The following B4GALNT1 variants were observed in gnomAD, a reference collection of about 807,000 sequenced individuals.
The protein encoded by B4GALNT1 is beta-1,4 N-acetylgalactosaminyltransferase 1.
Under a neutral mutation model 55.2 loss-of-function variants are expected in B4GALNT1, and 43 were observed. The observed-to-expected ratio is 0.78, with a 90% confidence interval of 0.61 to 1.00. The LOEUF (loss-of-function observed/expected upper bound fraction) is 1.00, where lower values mean the gene tolerates loss of function less well. B4GALNT1 is among the 50% of genes least tolerant of loss of function. The pLI is 0.00. For synonymous variants in B4GALNT1, 305 were observed against 311.6 expected, an observed-to-expected ratio of 0.98 and a Z score of 0.22; for missense variants, 664 against 729.7, an observed-to-expected ratio of 0.91 and a Z score of 1.04.
rs1404869854 is a variant in B4GALNT1 at position 57,624,958 on chromosome 12, C to T, written c.*1786G>A. On this transcript the variant is annotated 3_prime_UTR_variant, in exon 11 of 11. Coordinates refer to ENST00000341156, the MANE Select transcript of B4GALNT1 (RefSeq NM_001478.5). ...AGTTTCGCTGCAACCTGGAGTGGCA[C>T]CTGGGGCTCGGAGAAGGAGAAAAGG... The T allele has an allele frequency of 6.2e-7, 1 of 1,613,998 alleles. No homozygotes were observed. The highest frequency in any genetic ancestry group is 2.2e-5 in the East Asian group (1 of 44,890).
chr12:57,627,967 G>C (rs1343578108), intron 9 of B4GALNT1, 109 bp from the exon 10 acceptor site: 1 of 1,465,816 alleles, frequency 6.8e-7, no homozygotes, highest in Non-Finnish European at 9.0e-7. Context: ...ATCCTCTTCC[G>C]CTTCACCCCT....
At position 57,625,737 on chromosome 12, in the gene B4GALNT1, G is replaced by A. The variant is rs1174300092; in HGVS notation, c.*1007C>T. On this transcript the variant is annotated 3_prime_UTR_variant, in exon 11 of 11. Coordinates refer to ENST00000341156, the MANE Select transcript of B4GALNT1 (RefSeq NM_001478.5). ...CGGGAGCCAGGAGGCACTGGGCTGC[G>A]GCAAGTGAGGCAGGGGTAAGTGGCT... 7.2e-6 allele frequency: 11 copies of A among 1,525,842 alleles called. No individual in the cohort carries two copies. Among genetic ancestry groups the A allele is most frequent in the South Asian group, 6.6e-5 (5 of 75,860 alleles). 94.5% of individuals were successfully genotyped at this position (1,525,842 alleles called of 1,614,324 possible).
chr12:57,627,345 A>C (rs1461310843), intron 10 of B4GALNT1, among the ~76,000 whole-genome samples: 1 of 152,032 alleles, frequency 6.6e-6, no homozygotes, highest in Admixed American at 6.5e-5. Context: ...ATACACATGT[A>C]ACAAACCTGC....
Position 57,630,136 on chromosome 12 carries a change from C to T in B4GALNT1, c.712+16G>A, listed in dbSNP as rs1281827230. The T allele has an allele frequency of 5.0e-6, 8 of 1,614,262 alleles. No homozygotes were observed. Among genetic ancestry groups the T allele is most frequent in the South Asian group, 2.2e-5 (2 of 91,090 alleles). On this transcript the variant is annotated intron_variant, in intron 6 of 10. Coordinates refer to ENST00000341156, the MANE Select transcript of B4GALNT1 (RefSeq NM_001478.5). The stretch of plus-strand genomic sequence containing the variant: ...TGTTTGCCCAGCCTGCCCGTCTCTC[C>T]ACCCAGGCCTTGCACCTGTGTCTGC...
chr12:57,631,430 C>T, intron 2 of B4GALNT1, 66 bp from the exon 3 acceptor site: 3 of 1,562,364 alleles, frequency 1.9e-6, no homozygotes, highest in Non-Finnish European at 2.6e-6. Flanking sequence ...CCCATAAACA[C>T]TGACACAGCA....
chr12:57,630,618 A>G, intron 4 of B4GALNT1, 100 bp from the exon 5 acceptor site: 1 of 1,365,602 alleles, frequency 7.3e-7, no homozygotes, highest in Middle Eastern at 1.9e-4. Context: ...AGAACTTTCC[A>G]CCTATTCTTC....
rs919097197 is a variant in B4GALNT1 at position 57,631,327 on chromosome 12, C to G, written c.256G>C (p.Gly86Arg). The G allele has an allele frequency of 1.9e-6, 3 of 1,613,966 alleles. No homozygotes were observed. Among genetic ancestry groups the G allele is most frequent in the African/African-American group, 1.3e-5 (1 of 74,892 alleles). ...TGGAAGGGGAGGGGGAGGCCCCCCC[C>G]ACTGGACTCACAACTGCAGTTGTTC... ...AWNNCSCESS[G>R]GGLPLPFQKQ... is the part of the protein sequence containing the mutation. Residue 86 changes from glycine to arginine, a missense_variant, in exon 3 of 11, where the codon GGG (glycine) becomes CGG (arginine). Coordinates refer to ENST00000341156, the MANE Select transcript of B4GALNT1 (RefSeq NM_001478.5).
rs201447730 is a variant in B4GALNT1 at position 57,625,660 on chromosome 12, A to T, written c.*1084T>A. The T allele has an allele frequency of 6.3e-7, 1 of 1,589,636 alleles. No homozygotes were observed. The highest frequency in any genetic ancestry group is 1.2e-5 in the South Asian group (1 of 86,248). On this transcript the variant is annotated 3_prime_UTR_variant, in exon 11 of 11. Transcript: ENST00000341156. The stretch of plus-strand genomic sequence containing the variant: ...GATCAGCTGTTTGTGAGTGTGCAGG[A>T]TGCAGCTGCTTATGCCCTGGGGAGC...
At chr12:57,631,513 C>G in intron 2 of B4GALNT1, 149 bp from the exon 3 acceptor site, 1 of 904,456 alleles carries the variant, frequency 1.1e-6, no homozygotes. Context: ...AAATAGTCCT[C>G]GGGAGGGGGA....
chr12:57,628,174 C>T lies in B4GALNT1; in HGVS notation c.1091G>A (p.Arg364Gln). ...GTCCACAAGCCTCTCCAGCCGCGTC[C>T]GCGCCGTGAAGACGAAGTCGTCGTC... ...WVDDDFVFTA[R>Q]TRLERLVDVL... Residue 364 changes from arginine (R) to glutamine (Q), a missense_variant, in exon 9 of 11, where the codon CGG (arginine) becomes CAG (glutamine). Coordinates refer to ENST00000341156, the MANE Select transcript of B4GALNT1 (RefSeq NM_001478.5). The T allele has an allele frequency of 6.2e-7, 1 of 1,614,254 alleles. No individual in the cohort carries two copies.
intron 1 of B4GALNT1, chr12:57,632,432 C>T: frequency 2.0e-6 from 1 of 501,506 alleles, no homozygotes; most frequent in Non-Finnish European, 3.6e-6. Context: ...GCGGTTTCGA[C>T]GCGGCCGTGC....
Position 57,627,657 on chromosome 12 carries a change from C to T in B4GALNT1, c.1345G>A (p.Val449Ile). The stretch of plus-strand genomic sequence containing the variant: ...CGGCTGAGGCGGGGGTCGAAACCGA[C>T]CTCGCGCACCTTGTCAGTCCGCGCC... ...FLARTDKVREVGFDPRLSRVA... is the reference protein window; with the variant it reads ...FLARTDKVREIGFDPRLSRVA... The change falls in exon 10 of 11, where the codon GTC becomes ATC. Residue 449 changes from valine to isoleucine, a missense_variant. Transcript: ENST00000341156. 1.2e-6 allele frequency: 2 copies of T among 1,605,722 alleles called. No homozygotes were observed. The highest frequency in any genetic ancestry group is 1.1e-5 in the South Asian group (1 of 90,600).
intron 10 of B4GALNT1, among the ~76,000 whole-genome samples, chr12:57,627,252 G>A (rs549890436): frequency 3.1e-4 from 47 of 152,272 alleles, no homozygotes; most frequent in Admixed American, 6.5e-4. Context: ...TGGGAGTAGA[G>A]CAGGGGTGGC....
At position 57,624,350 on chromosome 12, in the gene B4GALNT1, C is replaced by A. The variant is rs1001562599; in HGVS notation, c.*2394G>T. 3.2e-6 allele frequency: 2 copies of A among 630,434 alleles called. No homozygotes were observed. The highest frequency in any genetic ancestry group is 2.3e-5 in the Admixed American group (1 of 43,218). The allele number at this position is 630,434 out of a possible 1,614,324, so 39.1% of individuals were successfully genotyped here. The stretch of plus-strand genomic sequence containing the variant: ...TTGGTGTGTGTCCCATTGAATCAAC[C>A]CTGTTGTTTCCTTCTGTCATGCTTT... On this transcript the variant is annotated 3_prime_UTR_variant, in exon 11 of 11. Transcript: ENST00000341156.
In B4GALNT1 at chr12:57,631,217, G is replaced by A. The variant is rs1036062368; in HGVS notation, c.366C>T (p.Phe122=). The A allele has an allele frequency of 6.2e-7, 1 of 1,614,148 alleles. No individual in the cohort carries two copies. Among genetic ancestry groups the A allele is most frequent in the Non-Finnish European group, 8.5e-7 (1 of 1,180,010 alleles). The part of the protein sequence containing the change: ...RAASATREQE[F]QAFLSRSQSP... Reference sequence around the variant, plus strand: ...GCTGGTACCTCGACAGAAAGGCCTGGAACTCCTGCTCTCTTGTGGCAGAGG... The same window carrying A: ...GCTGGTACCTCGACAGAAAGGCCTGAAACTCCTGCTCTCTTGTGGCAGAGG... Residue 122 remains phenylalanine, a synonymous_variant, in exon 3 of 11, where the codon TTC becomes TTT. Coordinates refer to ENST00000341156, the MANE Select transcript of B4GALNT1 (RefSeq NM_001478.5).
rs1477221182 is a variant in B4GALNT1 at position 57,624,117 on chromosome 12, C to T, written c.*2627G>A. 1 of 1,610,874 alleles carries T rather than the reference C, an allele frequency of 6.2e-7. No homozygotes were observed. Among genetic ancestry groups the T allele is most frequent in the East Asian group, 2.2e-5 (1 of 44,866 alleles). ...GGACTTTGTGAGAAATGCCATTACC[C>T]CCAGATTGCCCCCTCTCATCTTGTT... On this transcript the variant is annotated 3_prime_UTR_variant, in exon 11 of 11. Coordinates refer to ENST00000341156, the MANE Select transcript of B4GALNT1 (RefSeq NM_001478.5).
rs1433292838 is a variant in B4GALNT1 at position 57,625,746 on chromosome 12, G to A, written c.*998C>T. The A allele has an allele frequency of 6.6e-7, 1 of 1,522,484 alleles. No homozygotes were observed. Among genetic ancestry groups the A allele is most frequent in the East Asian group, 2.3e-5 (1 of 44,106 alleles). The allele number at this position is 1,522,484 out of a possible 1,614,324, so 94.3% of individuals were successfully genotyped here. A position where few individuals can be genotyped will look rare whatever the true frequency, so the allele number is the denominator to read the frequency against. On this transcript the variant is annotated 3_prime_UTR_variant, in exon 11 of 11. Transcript: ENST00000341156. ...GGAGGCACTGGGCTGCGGCAAGTGA[G>A]GCAGGGGTAAGTGGCTGGAGACCCA... is the stretch of plus-strand genomic sequence containing the variant.
At position 57,631,269 on chromosome 12, in the gene B4GALNT1, G is replaced by C. The variant is rs1885193609; in HGVS notation, c.314C>G (p.Ala105Gly). Reference protein sequence around the residue: ...KQVRAIDLTKAFDPAELRAAS... With the variant: ...KQVRAIDLTKGFDPAELRAAS... ...AGCCCTCAGCTCTGCAGGGTCAAAG[G>C]CCTTGGTGAGGTCAATAGCTCGGAC... Residue 105 changes from alanine to glycine, a missense_variant, in exon 3 of 11, where the codon GCC becomes GGC. Ala to Gly is a moderately conservative substitution (Grantham distance 60). Coordinates refer to ENST00000341156, the MANE Select transcript of B4GALNT1 (RefSeq NM_001478.5). The C allele has an allele frequency of 6.2e-7, 1 of 1,614,204 alleles. No individual in the cohort carries two copies.
In B4GALNT1 at chr12:57,625,449, C is replaced by G; in HGVS notation, c.*1295G>C. 6.2e-7 allele frequency: 1 copy of G among 1,614,210 alleles called. No homozygotes were observed. The highest frequency in any genetic ancestry group is 8.5e-7 in the Non-Finnish European group (1 of 1,180,038). On this transcript the variant is annotated 3_prime_UTR_variant, in exon 11 of 11. Transcript: ENST00000341156. Reference sequence around the variant, plus strand: ...TCGAGATGCTAGGATCCGCCTCCTCCTGGCTCAGTGTAATGGTGAGATGTG... The same window carrying G: ...TCGAGATGCTAGGATCCGCCTCCTCGTGGCTCAGTGTAATGGTGAGATGTG...
Sources: allele counts gnomAD v4.1 joint callset (sites outside exome capture counted in the v4.1 genomes callset), GRCh38; gene constraint gnomAD v4.1.1; transcripts MANE v1.5; gene names NCBI Gene and HGNC (gene_info 2026-07-23, HGNC 2026-07-21).